Variants in ANKRD29 observed in about 807,000 individuals in gnomAD.
ANKRD29 encodes ankyrin repeat domain-containing protein 29.
ANKRD29 carries 32 observed loss-of-function variants against 38.0 expected under a neutral mutation model. That is an observed-to-expected ratio of 0.84 (90% CI 0.64 to 1.13). ANKRD29 has a LOEUF of 1.13. Ranked by LOEUF, ANKRD29 falls within the 50% of genes most tolerant of loss-of-function variation. The pLI is 0.00. For synonymous variants in ANKRD29, 135 were observed against 152.4 expected (o/e 0.89, Z 0.84); for missense variants, 357 against 377.9 (o/e 0.94, Z 0.46).
Position 23,612,191 on chromosome 18 carries a change from C to G in ANKRD29, c.724-1G>C. ...CTGCATGGAGCGCTGATGTCCCATT[C>G]TAAGAGAAAATGACAGTGTGTGTCA... On this transcript the variant is annotated splice_acceptor_variant, in intron 8 of 9. Transcript: ENST00000592179. LOFTEE classifies it high-confidence loss of function. 1.2e-6 allele frequency: 2 copies of G among 1,612,708 alleles called. No individual in the cohort carries two copies. Among genetic ancestry groups the G allele is most frequent in the South Asian group, 1.1e-5 (1 of 90,872 alleles).
Position 23,619,630 on chromosome 18 carries a change from C to A in ANKRD29, c.529-1G>T. 6.4e-7 allele frequency: 1 copy of A among 1,569,344 alleles called. No individual in the cohort carries two copies. The highest frequency in any genetic ancestry group is 8.6e-7 in the Non-Finnish European group (1 of 1,168,486). On this transcript the variant is annotated splice_acceptor_variant, in intron 6 of 9. Transcript: ENST00000592179. LOFTEE classifies it high-confidence loss of function. ...CGATCCACAGGGGCGCTGTCCCGTC[C>A]TGCGGGAAGAGGAGGCGGCGGCCGC...
rs542550020 is a variant in ANKRD29 at position 23,641,760 on chromosome 18, G to A, written c.232-2813C>T. Among the ~76,000 whole-genome samples the A allele has an allele frequency of 1.8e-4, 28 of 152,326 alleles. No individual in the cohort carries two copies. The South Asian group carries it at 4.8e-3, about 26-fold the overall frequency. On this transcript the variant is annotated intron_variant, in intron 3 of 9. Transcript: ENST00000592179. ...CTGACTCAGCCAGATTCAAAAAGATGTCCCGACTACCAGCTGCTGGAAGGA... is the reference window on the plus strand; with the variant it reads ...CTGACTCAGCCAGATTCAAAAAGATATCCCGACTACCAGCTGCTGGAAGGA...
chr18:23,647,020 C>G (rs1598526346), intron 2 of ANKRD29: 1 of 152,208 alleles, frequency 6.6e-6, no homozygotes, highest in South Asian at 2.1e-4. Context: ...TAGCTACCAC[C>G]TCTGCATATT....
intron 1 of ANKRD29, among the ~76,000 whole-genome samples, chr18:23,651,722 T>G (rs937510868): frequency 1.3e-5 from 2 of 152,220 alleles, no homozygotes; most frequent in African/African-American, 2.4e-5. Flanking sequence ...TCTCCTCCCT[T>G]TAGGATGGTC....
At chr18:23,630,503 C>T (rs2059917180) in intron 5 of ANKRD29, among the ~76,000 whole-genome samples, 1 of 151,948 alleles carries the variant, frequency 6.6e-6, no homozygotes, top group African/African-American at 2.4e-5. Context: ...TACCTGTAAT[C>T]CCAGGTACTC....
At chr18:23,640,119 G>A (rs887248033) in intron 3 of ANKRD29, among the ~76,000 whole-genome samples, 1 of 152,070 alleles carries the variant, frequency 6.6e-6, no homozygotes, top group East Asian at 1.9e-4. Flanking sequence ...TTTGAAGTGA[G>A]GCAGAGGGAT....
chr18:23,643,490 C>T (rs2060103228), intron 3 of ANKRD29, among the ~76,000 whole-genome samples: 2 of 152,170 alleles, frequency 1.3e-5, no homozygotes, highest in Admixed American at 1.3e-4. Flanking sequence ...ATTTGCTTTT[C>T]AATAGGCTTT....
At position 23,649,298 on chromosome 18, in the gene ANKRD29, T is replaced by C. The variant is rs1568047611; in HGVS notation, c.22-105A>G. ...TCAGAAAGAAGAACATCCAGATGTG[T>C]TGCATCATTTGAAAGATTGATCCTC... On this transcript the variant is annotated intron_variant, in intron 1 of 9. Coordinates refer to ENST00000592179, the MANE Select transcript of ANKRD29 (RefSeq NM_173505.4). 8 of 844,470 alleles carry C rather than the reference T, an allele frequency of 9.5e-6. No individual in the cohort carries two copies. In the South Asian group the frequency reaches 1.3e-4, roughly 14 times the overall value. 52.3% of individuals were successfully genotyped at this position (844,470 alleles called of 1,614,324 possible).
At chr18:23,607,179 A>G (rs1599056175) in intron 9 of ANKRD29, among the ~76,000 whole-genome samples, 1 of 152,182 alleles carries the variant, frequency 6.6e-6, no homozygotes, top group Non-Finnish European at 1.5e-5. Context: ...TTCTCACCAC[A>G]TGGGACCCTG....
At chr18:23,616,594 A>ATAT (rs1568013855) in intron 8 of ANKRD29, among the ~76,000 whole-genome samples, 12 of 141,256 alleles carry the variant, frequency 8.5e-5, no homozygotes, top group East Asian at 4.0e-4. Context: ...ATATATATAT[A>ATAT]CTATATATAC....
intron 4 of ANKRD29, among the ~76,000 whole-genome samples, chr18:23,637,592 C>G (rs148026083): frequency 0.026 from 3,958 of 151,788 alleles, 100 homozygotes; most frequent in South Asian, 0.077. Flanking sequence ...GAGATGAGGT[C>G]TCGCTTTGTT....
chr18:23,616,558 A>ATAC (rs1484796384), intron 8 of ANKRD29, among the ~76,000 whole-genome samples: 1 of 140,186 alleles, frequency 7.1e-6, no homozygotes, highest in Non-Finnish European at 1.5e-5. Flanking sequence ...TAGTATATAT[A>ATAC]TATATACACT....
At chr18:23,606,897 G>A (rs1051084400) in intron 9 of ANKRD29, among the ~76,000 whole-genome samples, 2 of 152,164 alleles carry the variant, frequency 1.3e-5, no homozygotes, top group African/African-American at 2.4e-5. Flanking sequence ...TTTCAGGGGA[G>A]GCCATTAAAG....
intron 9 of ANKRD29, among the ~76,000 whole-genome samples, chr18:23,608,709 G>T (rs370372958): frequency 6.6e-6 from 1 of 152,244 alleles, no homozygotes; most frequent in East Asian, 1.9e-4. Context: ...GACTAACTTT[G>T]GGAAGGAATT....
chr18:23,624,489 A>AAAAAAAAAAAAG (rs2059837060), intron 6 of ANKRD29, among the ~76,000 whole-genome samples: 2 of 142,682 alleles, frequency 1.4e-5, no homozygotes, highest in Non-Finnish European at 1.5e-5. Flanking sequence ...AAAAAAAAAA[A>AAAAAAAAAAAAG]AAAAAAAAAA....
At chr18:23,617,667 C>G in intron 8 of ANKRD29, 65 bp downstream of exon 8, 1 of 1,379,726 alleles carries the variant, frequency 7.2e-7, no homozygotes, top group South Asian at 1.2e-5. Context: ...GACACAGTCC[C>G]CAAGTGAGGA....
At position 23,638,888 on chromosome 18, in the gene ANKRD29, A is replaced by T; in HGVS notation, c.291T>A (p.Phe97Leu). 1.9e-6 allele frequency: 3 copies of T among 1,612,970 alleles called. No homozygotes were observed. In the South Asian group the frequency reaches 3.3e-5, roughly 18 times the overall value. ...CAGTGGATGCTCCAAATCCAAAGAG[A>T]AATCTCACGACATCATTATGGCCTT... ...AQQGHNDVVR[F>L]LFGFGASTEF... is the part of the protein sequence containing the mutation. Residue 97 changes from phenylalanine to leucine, a missense_variant, in exon 4 of 10, where the codon TTT becomes TTA. Phe to Leu is a conservative substitution (Grantham distance 22, BLOSUM62 0). Transcript: ENST00000592179.
At chr18:23,628,306 A>G (rs2059886778) in intron 6 of ANKRD29, among the ~76,000 whole-genome samples, 1 of 152,090 alleles carries the variant, frequency 6.6e-6, no homozygotes, top group Non-Finnish European at 1.5e-5. Flanking sequence ...AAGGCTCTTT[A>G]TTTTTCTCAG....
chr18:23,648,548 G>A (rs1301567841), intron 2 of ANKRD29: 3 of 199,698 alleles, frequency 1.5e-5, no homozygotes, highest in African/African-American at 2.3e-5. Context: ...GCTGGGGATG[G>A]AAAAGCTCTC....
Sources: allele counts gnomAD v4.1 joint callset (sites outside exome capture counted in the v4.1 genomes callset), GRCh38; gene constraint gnomAD v4.1.1; transcripts MANE v1.5; gene names NCBI Gene and HGNC (gene_info 2026-07-23, HGNC 2026-07-21).